SRRM2: variants seen among roughly 807,000 people sequenced by gnomAD.
SRRM2 encodes serine/arginine repetitive matrix 2, also known as serine/arginine repetitive matrix protein 2.
In SRRM2, 30 loss-of-function variants were observed where a neutral mutation model predicts 213.8. The observed-to-expected ratio is 0.14, with a 90% CI of 0.10 to 0.19. SRRM2 has a LOEUF of 0.19. SRRM2 is among the 10% of genes least tolerant of loss of function. The pLI is 1.00. For missense variants in SRRM2, 4,904 were observed against 3,647.0 expected (o/e 1.34, Z -8.88); for synonymous variants, 2,025 against 1,377.7 (o/e 1.47, Z -10.40).
At chr16:2,758,575 A>G in intron 5 of SRRM2, 28 bp downstream of exon 5, 1 of 1,595,054 alleles carries the variant, frequency 6.3e-7, no homozygotes, top group Non-Finnish European at 8.6e-7. Context: ...TGACTCTGAT[A>G]GCCAGAGGAC....
chr16:2,760,564 T>C (rs2068305863), intron 10 of SRRM2, 65 bp downstream of exon 10: 1 of 1,557,676 alleles, frequency 6.4e-7, no homozygotes, highest in African/African-American at 1.4e-5. Flanking sequence ...AGACATGTGA[T>C]GTGAAAGGGA....
At chr16:2,759,987 C>T in intron 9 of SRRM2, 2 of 533,970 alleles carry the variant, frequency 3.7e-6, no homozygotes, top group Non-Finnish European at 3.3e-6. Flanking sequence ...GGGAAGGCTT[C>T]CTGAAGGAGG....
Position 2,763,859 on chromosome 16 carries a change from A to G in SRRM2, c.3331A>G (p.Arg1111Gly), listed in dbSNP as rs1323170486. ...SSSPVTELAS[R>G]SPIRQDRGEF... ...ATCTCCAGTCACTGAGCTGGCATCC[A>G]GATCTCCAATAAGACAAGATAGAGG... is the stretch of plus-strand genomic sequence containing the variant. The change falls in exon 11 of 15, where the codon AGA (arginine) becomes GGA (glycine). Residue 1111 changes from arginine (R) to glycine (G), a missense_variant. Arg to Gly is a moderately radical substitution (Grantham distance 125). Transcript: ENST00000301740. The G allele has an allele frequency of 1.2e-6, 2 of 1,614,236 alleles. No homozygotes were observed. The highest frequency in any genetic ancestry group is 2.2e-5 in the East Asian group (1 of 44,890).
In SRRM2 at chr16:2,761,826, A is replaced by G. The variant is rs763005059; in HGVS notation, c.1298A>G (p.His433Arg). 2 of 1,613,802 alleles carry G rather than the reference A, an allele frequency of 1.2e-6. No individual in the cohort carries two copies. Among genetic ancestry groups the G allele is most frequent in the African/African-American group, 2.7e-5 (2 of 74,992 alleles). ...CCTCAACCTACCAAAGTTTCTCGGC[A>G]TGCCAGCTCTTCCCCAGAAAGTCCT... is the stretch of plus-strand genomic sequence containing the variant. ...PSPQPTKVSR[H>R]ASSSPESPKP... is the part of the protein sequence containing the mutation. Residue 433 changes from histidine (H) to arginine (R), a missense_variant, in exon 11 of 15, where the codon CAT (histidine) becomes CGT (arginine). Physicochemically the swap from His to Arg is conservative, Grantham distance 29 (BLOSUM62 0). Coordinates refer to ENST00000301740, the MANE Select transcript of SRRM2 (RefSeq NM_016333.4).
chr16:2,768,163 T>A lies in SRRM2; in HGVS notation c.7635T>A (p.Ser2545=), dbSNP rs1004297786. ...SSSSSSSSSS[S]SSSSSSSSSS... is the part of the protein sequence containing the mutation. The stretch of plus-strand genomic sequence containing the variant: ...CGTCGTCCTCTAGCTCCTCCTCTTC[T>A]TCATCATCGTCGTCGTCGTCCTCCT... Residue 2545 remains serine (S), a synonymous_variant, in exon 11 of 15, where the codon TCT becomes TCA. Coordinates refer to ENST00000301740, the MANE Select transcript of SRRM2 (RefSeq NM_016333.4). 2.4e-5 allele frequency: 39 copies of A among 1,612,718 alleles called. No individual in the cohort carries two copies. Among genetic ancestry groups the A allele is most frequent in the South Asian group, 5.5e-5 (5 of 91,036 alleles).
Position 2,757,809 on chromosome 16 carries a change from T to A in SRRM2, c.379T>A (p.Leu127Ile). 6.2e-7 allele frequency: 1 copy of A among 1,614,136 alleles called. No homozygotes were observed. Among genetic ancestry groups the A allele is most frequent in the Non-Finnish European group, 8.5e-7 (1 of 1,180,010 alleles). ...AVTETHQLAE[L>I]NEKKNERLRA... is the part of the protein sequence containing the mutation. ...CACGGAGACTCACCAGTTGGCAGAA[T>A]TAAATGAGAAGAAGAATGAAAGACT... is the stretch of plus-strand genomic sequence containing the variant. Residue 127 changes from leucine (L) to isoleucine (I), a missense_variant, in exon 4 of 15, where the codon TTA becomes ATA. Transcript: ENST00000301740.
At position 2,757,954 on chromosome 16, in the gene SRRM2, G is replaced by A. The variant is rs776322442; in HGVS notation, c.515+9G>A. The A allele has an allele frequency of 2.5e-5, 40 of 1,602,156 alleles. No individual in the cohort carries two copies. The highest frequency in any genetic ancestry group is 2.9e-5 in the Non-Finnish European group (34 of 1,174,648). On this transcript the variant is annotated intron_variant, in intron 4 of 14. Transcript: ENST00000301740. The stretch of plus-strand genomic sequence containing the variant: ...CCTCCCAAACCTTACAGGTATACAA[G>A]GCCAAGAAACCACTGTCAGCTTCTT...
intron 1 of SRRM2, among the ~76,000 whole-genome samples, chr16:2,754,278 A>G (rs1272287620): frequency 6.7e-6 from 1 of 150,200 alleles, no homozygotes; most frequent in East Asian, 1.9e-4. Flanking sequence ...TCCTTTGCTT[A>G]GCACCTACTG....
chr16:2,760,396 T>A lies in SRRM2; in HGVS notation c.929T>A (p.Phe310Tyr), dbSNP rs765393733. The A allele has an allele frequency of 1.2e-6, 2 of 1,614,054 alleles. No individual in the cohort carries two copies. Among genetic ancestry groups the A allele is most frequent in the East Asian group, 4.5e-5 (2 of 44,898 alleles). ...CGACGCGGGGAGGGAGATGCGCCTT[T>A]CAGTGAACCAGGTACTACCAGCACA... ...SGRRGEGDAP[F>Y]SEPGTTSTQR... The change falls in exon 10 of 15, where the codon TTC becomes TAC. Residue 310 changes from phenylalanine (F) to tyrosine (Y), a missense_variant. Physicochemically the swap from Phe to Tyr is conservative, Grantham distance 22 (BLOSUM62 3). Coordinates refer to ENST00000301740, the MANE Select transcript of SRRM2 (RefSeq NM_016333.4).
In SRRM2 at chr16:2,765,205, A is replaced by G. The variant is rs903794806; in HGVS notation, c.4677A>G (p.Ser1559=). The G allele has an allele frequency of 1.9e-6, 3 of 1,614,084 alleles. No homozygotes were observed. In the African/African-American group the frequency reaches 4.0e-5, roughly 22 times the overall value. The stretch of plus-strand genomic sequence containing the variant: ...CATCCCCTCAGGAAAGAAGTGAGTC[A>G]GACTCTTCTCCAGATTCTAAAGCCA... ...PSASPQERSE[S]DSSPDSKAKT... The change falls in exon 11 of 15, where the codon TCA becomes TCG. Residue 1559 remains serine, a synonymous_variant. Coordinates refer to ENST00000301740, the MANE Select transcript of SRRM2 (RefSeq NM_016333.4).
rs2068647700 is a variant in SRRM2 at position 2,769,141 on chromosome 16, T to TTCTTCCTCCTCCTCTTCC, written c.7884_7901dup (p.Ser2643_Ser2648dup). ...CTTCCTCCTCCTCCTCCTCCTCCTC[T>TTCTTCCTCCTCCTCTTCC]TCTTCCTCCTCCTCTTCCTCTTCTT... On this transcript the variant is annotated inframe_insertion, in exon 12 of 15. Coordinates refer to ENST00000301740, the MANE Select transcript of SRRM2 (RefSeq NM_016333.4). 2 of 1,608,968 alleles carry TTCTTCCTCCTCCTCTTCC rather than the reference T, an allele frequency of 1.2e-6. No homozygotes were observed. The highest frequency in any genetic ancestry group is 1.7e-6 in the Non-Finnish European group (2 of 1,175,756).
At position 2,764,735 on chromosome 16, in the gene SRRM2, T is replaced by G. The variant is rs780803029; in HGVS notation, c.4207T>G (p.Ser1403Ala). ...KAGMSSNQSI[S>A]SPVLDAVPRT... ...AGGGATGTCTTCAAATCAGAGCATC[T>G]CTTCACCTGTGCTTGATGCTGTACC... The change falls in exon 11 of 15, where the codon TCT becomes GCT. Residue 1403 changes from serine (S) to alanine (A), a missense_variant. Coordinates refer to ENST00000301740, the MANE Select transcript of SRRM2 (RefSeq NM_016333.4). 1.2e-6 allele frequency: 2 copies of G among 1,614,148 alleles called. No individual in the cohort carries two copies. The highest frequency in any genetic ancestry group is 1.7e-6 in the Non-Finnish European group (2 of 1,180,032).
chr16:2,760,515 G>A lies in SRRM2; in HGVS notation c.1032+16G>A, dbSNP rs1567225164. 6.8e-6 allele frequency: 11 copies of A among 1,613,846 alleles called. No homozygotes were observed. Among genetic ancestry groups the A allele is most frequent in the East Asian group, 2.2e-5 (1 of 44,892 alleles). On this transcript the variant is annotated intron_variant, in intron 10 of 14. Transcript: ENST00000301740. ...CAAGAAGGAGGTATGTTCCTGAGTT[G>A]GTGATGTTCATTGGATTGCAAATGT...
chr16:2,765,987 A>G lies in SRRM2; in HGVS notation c.5459A>G (p.Tyr1820Cys), dbSNP rs1327314909. The G allele has an allele frequency of 1.2e-6, 2 of 1,614,094 alleles. No homozygotes were observed. Among genetic ancestry groups the G allele is most frequent in the Non-Finnish European group, 1.7e-6 (2 of 1,180,000 alleles). Residue 1820 changes from tyrosine (Y) to cysteine (C), a missense_variant, in exon 11 of 15, where the codon TAT (tyrosine) becomes TGT (cysteine). Tyr to Cys is a radical substitution (Grantham distance 194). Coordinates refer to ENST00000301740, the MANE Select transcript of SRRM2 (RefSeq NM_016333.4). ...VTRRRRGGSG[Y>C]HSRSPARQES... ...CGGCGGCGGAGGGGAGGCTCTGGTT[A>G]TCACTCAAGGTCACCTGCCCGGCAG...
chr16:2,760,930 A>G (rs2068322182), intron 10 of SRRM2: 1 of 163,416 alleles, frequency 6.1e-6, no homozygotes, highest in Non-Finnish European at 1.3e-5. Context: ...AATTTTAAGC[A>G]TTAATCATTT....
In SRRM2 at chr16:2,768,028, G is replaced by T. The variant is rs1208996879; in HGVS notation, c.7500G>T (p.Gly2500=). Reference sequence around the variant, plus strand: ...GCATGCTCTCTGTCCCTGCCCCTGGGGTGCCCCACTCTGATGTGGGGGAGC... The same window carrying T: ...GCATGCTCTCTGTCCCTGCCCCTGGTGTGCCCCACTCTGATGTGGGGGAGC... ...HNGMLSVPAP[G]VPHSDVGEPP... Residue 2500 remains glycine (G), a synonymous_variant, in exon 11 of 15, where the codon GGG becomes GGT. Transcript: ENST00000301740. 6.2e-7 allele frequency: 1 copy of T among 1,614,048 alleles called. No homozygotes were observed. Among genetic ancestry groups the T allele is most frequent in the Non-Finnish European group, 8.5e-7 (1 of 1,180,018 alleles).
At position 2,762,877 on chromosome 16, in the gene SRRM2, C is replaced by T; in HGVS notation, c.2349C>T (p.Ser783=). Residue 783 remains serine (S), a synonymous_variant, in exon 11 of 15, where the codon TCC becomes TCT. Coordinates refer to ENST00000301740, the MANE Select transcript of SRRM2 (RefSeq NM_016333.4). ...TGAGGCGCAGCCTTTCAGGGTCTTCCCCATGCCCTAAACAAAAGTCACAGA... is the reference window on the plus strand; with the variant it reads ...TGAGGCGCAGCCTTTCAGGGTCTTCTCCATGCCCTAAACAAAAGTCACAGA... ...LSLRRSLSGS[S]PCPKQKSQTP... 1 of 1,614,148 alleles carries T rather than the reference C, an allele frequency of 6.2e-7. No individual in the cohort carries two copies. The highest frequency in any genetic ancestry group is 8.5e-7 in the Non-Finnish European group (1 of 1,180,028).
In SRRM2 at chr16:2,762,596, G is replaced by T; in HGVS notation, c.2068G>T (p.Gly690Trp). The change falls in exon 11 of 15, where the codon GGG (glycine) becomes TGG (tryptophan). Residue 690 changes from glycine (G) to tryptophan (W), a missense_variant. Transcript: ENST00000301740. ...ACGCTCCAGAACACCAGCCAGGAGA[G>T]GGAGGTCTCGGTCTAGGACACCAAG... is the stretch of plus-strand genomic sequence containing the variant. ...RSRSRTPARR[G>W]RSRSRTPRRG... 6.2e-7 allele frequency: 1 copy of T among 1,614,108 alleles called. No homozygotes were observed. Among genetic ancestry groups the T allele is most frequent in the South Asian group, 1.1e-5 (1 of 91,072 alleles).
chr16:2,765,425 C>T lies in SRRM2; in HGVS notation c.4897C>T (p.Pro1633Ser). The T allele has an allele frequency of 3.1e-6, 5 of 1,614,122 alleles. No individual in the cohort carries two copies. The highest frequency in any genetic ancestry group is 2.2e-5 in the East Asian group (1 of 44,882). The change falls in exon 11 of 15, where the codon CCC becomes TCC. Residue 1633 changes from proline to serine, a missense_variant. Transcript: ENST00000301740. ...TAAAGCTCCAGCCCCTCGGGCCCTT[C>T]CCAGACGAAGCAGATCAGGTTCATC... ...EPKAPAPRAL[P>S]RRSRSGSSSK...
Sources: gnomAD v4.1 joint callset for allele counts (sites outside exome capture counted in the v4.1 genomes callset) on GRCh38, gnomAD v4.1.1 for gene constraint, MANE v1.5 for transcripts, NCBI Gene and HGNC (gene_info 2026-07-23, HGNC 2026-07-21) for gene names.